Variants in IRF6 observed in about 807,000 individuals in gnomAD.
IRF6 encodes the protein interferon regulatory factor 6.
A neutral mutation model predicts 51.4 loss-of-function variants in IRF6; 6 were observed. That is an observed-to-expected ratio of 0.12 (90% CI 0.06 to 0.23). The LOEUF (loss-of-function observed/expected upper bound fraction) is 0.23, where lower values mean the gene tolerates loss of function less well. IRF6 is among the 10% of genes least tolerant of loss of function. IRF6 has a pLI of 1.00. For synonymous variants in IRF6, 178 were observed against 215.7 expected (o/e 0.83, Z 1.53); for missense variants, 348 against 585.2 (o/e 0.59, Z 4.18).
Position 209,796,477 on chromosome 1 carries a change from G to A in IRF6, c.250C>T (p.Arg84Cys), listed in dbSNP as rs121434226. 1 of 1,613,952 alleles carries A rather than the reference G, an allele frequency of 6.2e-7. No individual in the cohort carries two copies. The highest frequency in any genetic ancestry group is 8.5e-7 in the Non-Finnish European group (1 of 1,179,984). Residue 84 changes from arginine (R) to cysteine (C), a missense_variant, in exon 4 of 9, where the codon CGC becomes TGC. Coordinates refer to ENST00000367021, the MANE Select transcript of IRF6 (RefSeq NM_006147.4). The surrounding 1 kb of genome is among the most constrained non-coding windows in gnomAD (Gnocchi z 4.5). Reference protein sequence around the residue: ...PDPAKWKAQLRCALNKSREFN... With the variant: ...PDPAKWKAQLCCALNKSREFN... ...TCTCTGCTCTTATTGAGAGCACAGC[G>A]CAGCTGGGCCTTCCATTTAGCTGGG...
In IRF6 at chr1:209,796,723, C is replaced by A. The variant is rs2077904417; in HGVS notation, c.175-171G>T. Among the ~76,000 whole-genome samples, 1 of 151,554 alleles carries A rather than the reference C, an allele frequency of 6.6e-6. No homozygotes were observed. Among genetic ancestry groups the A allele is most frequent in the Non-Finnish European group, 1.5e-5 (1 of 67,944 alleles). On this transcript the variant is annotated intron_variant, in intron 3 of 8. Coordinates refer to ENST00000367021, the MANE Select transcript of IRF6 (RefSeq NM_006147.4). This position sits in a 1 kb window ranked among gnomAD's most constrained non-coding sequence, Gnocchi z 4.5. ...TCATCCCAACCCCGATTTACAGAGA[C>A]TGCAGCAGGAAACACTGCCCTTAGG...
chr1:209,792,369 C>G lies in IRF6; in HGVS notation c.567G>C (p.Glu189Asp). The G allele has an allele frequency of 1.2e-6, 2 of 1,614,228 alleles. No individual in the cohort carries two copies. The highest frequency in any genetic ancestry group is 1.7e-6 in the Non-Finnish European group (2 of 1,180,038). The change falls in exon 6 of 9, where the codon GAG becomes GAC. Residue 189 changes from glutamate to aspartate, a missense_variant. This residue lies in a region of IRF6 where 124 missense variants were observed against 141.6 expected (regional missense o/e 0.88). Coordinates refer to ENST00000367021, the MANE Select transcript of IRF6 (RefSeq NM_006147.4). The part of the protein sequence containing the change: ...GNCSVGNCSP[E>D]AVWPKTEPLE... ...GGGGTTCAGTTTTGGGCCACACTGCCTCCGGGCTGCAGTTGCCCACACTGC... is the reference window on the plus strand; with the variant it reads ...GGGGTTCAGTTTTGGGCCACACTGCGTCCGGGCTGCAGTTGCCCACACTGC...
intron 5 of IRF6, chr1:209,792,690 A>C (rs1246760169): frequency 7.6e-6 from 4 of 525,012 alleles, no homozygotes; most frequent in Admixed American, 6.4e-5. Context: ...TAGACATGTG[A>C]GTTTTCTCTG....
In IRF6 at chr1:209,790,009, C is replaced by T. The variant is rs1198907226; in HGVS notation, c.1061-224G>A. The stretch of plus-strand genomic sequence containing the variant: ...AATAGCACAAATATATTGAACAGTA[C>T]AAATTACAGAGGGTTCTCTTGGACA... On this transcript the variant is annotated intron_variant, in intron 7 of 8. Coordinates refer to ENST00000367021, the MANE Select transcript of IRF6 (RefSeq NM_006147.4). This position sits in a 1 kb window ranked among gnomAD's most constrained non-coding sequence, Gnocchi z 4.8. 6.6e-6 allele frequency among the ~76,000 whole-genome samples: 1 copy of T among 152,190 alleles called. No individual in the cohort carries two copies. The highest frequency in any genetic ancestry group is 1.5e-5 in the Non-Finnish European group (1 of 68,038).
At chr1:209,800,433 A>AG (rs1414192095) in intron 3 of IRF6, among the ~76,000 whole-genome samples, 11 of 152,230 alleles carry the variant, frequency 7.2e-5, no homozygotes, top group Admixed American at 2.0e-4. Context: ...TTTAAGCCCC[A>AG]GTTATAGATG....
intron 6 of IRF6, among the ~76,000 whole-genome samples, chr1:209,791,566 G>GT (rs1421694238): frequency 3.3e-5 from 5 of 152,110 alleles, no homozygotes; most frequent in Admixed American, 6.5e-5. Flanking sequence ...TCAGAAAGAG[G>GT]TTTTTTTCTG....
chr1:209,800,186 C>T (rs539307637), intron 3 of IRF6, among the ~76,000 whole-genome samples: 1 of 152,310 alleles, frequency 6.6e-6, no homozygotes, highest in East Asian at 1.9e-4. Flanking sequence ...AAGAAAGAAG[C>T]TGGTGTGGAG....
intron 3 of IRF6, among the ~76,000 whole-genome samples, chr1:209,797,370 C>CAAAAAAAAA (rs11418099): frequency 4.1e-5 from 2 of 48,590 alleles, no homozygotes; most frequent in African/African-American, 9.1e-5. Flanking sequence ...AACTTCATCT[C>CAAAAAAAAA]AAAAAAAAAA....
chr1:209,794,798 T>TCTTGCAGATAAATC (rs2077890877), intron 5 of IRF6, among the ~76,000 whole-genome samples: 2 of 152,208 alleles, frequency 1.3e-5, no homozygotes, highest in South Asian at 4.1e-4. Context: ...AAGAAAAGTC[T>TCTTGCAGATAAATC]CTTGCAGATA....
rs1357973733 is a variant in IRF6, at chr1:209,788,248, G to C, written c.*172C>G. On this transcript the variant is annotated 3_prime_UTR_variant, in exon 9 of 9. Coordinates refer to ENST00000367021, the MANE Select transcript of IRF6 (RefSeq NM_006147.4). ...TGAAAAAGAAAAGCAAAGTCTGAAG[G>C]GTGATTTTTCCATAAATTAAATCAG... 1 of 614,796 alleles carries C rather than the reference G, an allele frequency of 1.6e-6. No homozygotes were observed. Among genetic ancestry groups the C allele is most frequent in the Non-Finnish European group, 2.9e-6 (1 of 350,698 alleles). The allele number at this position is 614,796 out of a possible 1,614,324, so 38.1% of individuals were successfully genotyped here.
At chr1:209,792,905 A>C (rs546032412) in intron 5 of IRF6, among the ~76,000 whole-genome samples, 1 of 152,374 alleles carries the variant, frequency 6.6e-6, no homozygotes, top group South Asian at 2.1e-4. Flanking sequence ...AAGAACCTAG[A>C]AGGATCTGAC....
chr1:209,792,771 T>C (rs555866253), intron 5 of IRF6: 13 of 336,288 alleles, frequency 3.9e-5, no homozygotes, highest in African/African-American at 2.3e-4. Context: ...TAGAAGCTGG[T>C]TGTCTTCCAT....
At position 209,788,745 on chromosome 1, in the gene IRF6, G is replaced by A; in HGVS notation, c.1180-101C>T. 4.7e-6 allele frequency: 4 copies of A among 855,566 alleles called. No individual in the cohort carries two copies. The East Asian group carries it at 7.8e-5, about 17-fold the overall frequency. The allele number at this position is 855,566 out of a possible 1,614,324, so 53.0% of individuals were successfully genotyped here. On this transcript the variant is annotated intron_variant, in intron 8 of 8. Transcript: ENST00000367021. ...AAGGACAGACCAAAGAGGCCCTGAG[G>A]AAGACCCCATTCTGATGTCTAAATA... is the stretch of plus-strand genomic sequence containing the variant.
In IRF6 at chr1:209,796,846, C is replaced by G. The variant is rs1342817694; in HGVS notation, c.175-294G>C. On this transcript the variant is annotated intron_variant, in intron 3 of 8. Transcript: ENST00000367021. This position sits in a 1 kb window ranked among gnomAD's most constrained non-coding sequence, Gnocchi z 4.5. ...CTCAAGCACTGGTACCGGCACTCAT[C>G]AAGACGACAATGCTCTAATGAAGGG... Among the ~76,000 whole-genome samples the G allele has an allele frequency of 1.3e-5, 2 of 152,200 alleles. No homozygotes were observed.
At chr1:209,801,843 G>A (rs951707247) in intron 2 of IRF6, 129 bp downstream of exon 2, 2 of 155,186 alleles carry the variant, frequency 1.3e-5, no homozygotes, top group African/African-American at 4.8e-5. Flanking sequence ...AAGTGAGAAG[G>A]TGACACATGT....
At chr1:209,797,735 C>T (rs1181750236) in intron 3 of IRF6, among the ~76,000 whole-genome samples, 1 of 152,184 alleles carries the variant, frequency 6.6e-6, no homozygotes, top group Non-Finnish European at 1.5e-5. Flanking sequence ...AGGGAGTAGA[C>T]ACCTGGCCCT....
intron 3 of IRF6, among the ~76,000 whole-genome samples, chr1:209,799,526 T>C (rs1191275056): frequency 6.6e-6 from 1 of 152,216 alleles, no homozygotes; most frequent in Non-Finnish European, 1.5e-5. Context: ...TTGGTATCTG[T>C]GAAAGCACCC....
intron 5 of IRF6, among the ~76,000 whole-genome samples, chr1:209,794,552 T>C (rs575898046): frequency 2.6e-5 from 4 of 152,346 alleles, no homozygotes; most frequent in South Asian, 2.1e-4. Context: ...TTTTGACCCA[T>C]TGCAGCCAGG....
chr1:209,792,254 T>TAA lies in IRF6; in HGVS notation c.667+13_667+14dup. The TAA allele has an allele frequency of 6.2e-7, 1 of 1,611,136 alleles. No individual in the cohort carries two copies. Among genetic ancestry groups the TAA allele is most frequent in the Admixed American group, 1.7e-5 (1 of 60,022 alleles). ...GAAGCAGAAGACCGAGCAAGAAAGA[T>TAA]AAAGTCTCACTTACTTGGGAGAGAG... is the stretch of plus-strand genomic sequence containing the variant. On this transcript the variant is annotated intron_variant, in intron 6 of 8. Transcript: ENST00000367021.
Sources: gnomAD v4.1 joint callset for allele counts (sites outside exome capture counted in the v4.1 genomes callset) on GRCh38, gnomAD v4.1.1 for gene constraint, gnomAD v4.1.1 regional missense constraint, Gnocchi (gnomAD v3.1) non-coding constraint, MANE v1.5 for transcripts, NCBI Gene and HGNC (gene_info 2026-07-23, HGNC 2026-07-21) for gene names.